The following KAT7 variants were observed in gnomAD, a reference collection of about 807,000 sequenced individuals.
KAT7 encodes the protein histone acetyltransferase KAT7.
A neutral mutation model predicts 82.1 loss-of-function variants in KAT7; 10 were observed. The ratio of observed to expected loss-of-function variants is 0.12; its 90% CI spans 0.08 to 0.21. The LOEUF is 0.21. KAT7 is among the 10% of genes least tolerant of loss of function. The probability of loss-of-function intolerance (pLI) is 1.00; values close to 1 mark genes in which losing one functional copy is unlikely to be tolerated. For synonymous variants in KAT7, 250 were observed against 262.5 expected, an observed-to-expected ratio of 0.95 and a Z score of 0.46; for missense variants, 378 against 760.9, an observed-to-expected ratio of 0.50 and a Z score of 5.92.
chr17:49,788,870 GATGGCGGGTTTCT>G, intron 1 of KAT7, 21 bp downstream of exon 1: 2 of 1,580,478 alleles, frequency 1.3e-6, no homozygotes, highest in Non-Finnish European at 1.7e-6. Context: ...GGAGAGGAGG[GATGGCGGGTTTCT>G]AAGGACAGTC....
chr17:49,820,357 G>A (rs1487281019), intron 9 of KAT7, among the ~76,000 whole-genome samples: 3 of 150,866 alleles, frequency 2.0e-5, no homozygotes, highest in African/African-American at 4.9e-5. Flanking sequence ...GTGCAATGTC[G>A]GCTCACTGCA....
chr17:49,830,196 T>C lies in KAT7; in HGVS notation c.*2694T>C, dbSNP rs1160580134. On this transcript the variant is annotated 3_prime_UTR_variant, in exon 15 of 15. Transcript: ENST00000259021. ...CCCGACCTATTTTTTTTTTTTTTTT[T>C]TTTTTTTTTTTTAAAAAAAGACAGT... 2 of 139,666 alleles carry C rather than the reference T, an allele frequency of 1.4e-5. No individual in the cohort carries two copies. The highest frequency in any genetic ancestry group is 5.8e-5 in the African/African-American group (2 of 34,578). The allele number at this position is 139,666 out of a possible 1,614,324, so 8.7% of individuals were successfully genotyped here.
At position 49,827,820 on chromosome 17, in the gene KAT7, C is replaced by T. The variant is rs984591400; in HGVS notation, c.*318C>T. 4.5e-5 allele frequency: 13 copies of T among 286,272 alleles called. No homozygotes were observed. Among genetic ancestry groups the T allele is most frequent in the African/African-American group, 1.5e-4 (7 of 46,270 alleles). 17.7% of individuals were successfully genotyped at this position (286,272 alleles called of 1,614,324 possible). ...CACTGGTTCTCTCCTCATGTCCTCT[C>T]GCCCCATGAGGTTGTGTTGTGTCTT... On this transcript the variant is annotated 3_prime_UTR_variant, in exon 15 of 15. Transcript: ENST00000259021.
rs538708022 is a variant in KAT7, at chr17:49,834,166, G to C, written c.*6664G>C. 2.0e-5 allele frequency: 3 copies of C among 152,344 alleles called. No homozygotes were observed. The South Asian group carries it at 6.2e-4, about 32-fold the overall frequency. 9.4% of individuals were successfully genotyped at this position (152,344 alleles called of 1,614,324 possible). A position where few individuals can be genotyped will look rare whatever the true frequency, so the allele number is the denominator to read the frequency against. ...TGTATTTATTGATTGATCGATTTAT[G>C]AGACAGGGTCTCCTTCTGTCACCCA... On this transcript the variant is annotated 3_prime_UTR_variant, in exon 15 of 15. Coordinates refer to ENST00000259021, the MANE Select transcript of KAT7 (RefSeq NM_007067.5).
At chr17:49,813,464 G>A (rs1297234728) in intron 7 of KAT7, among the ~76,000 whole-genome samples, 3 of 151,912 alleles carry the variant, frequency 2.0e-5, no homozygotes, top group African/African-American at 7.3e-5. Flanking sequence ...TTAAACATAG[G>A]GCATGTGAAT....
chr17:49,793,181 A>C (rs926701833), intron 2 of KAT7, among the ~76,000 whole-genome samples: 1 of 152,230 alleles, frequency 6.6e-6, no homozygotes, highest in South Asian at 2.1e-4. Flanking sequence ...ACCCCATTAC[A>C]AGTCAAGGAG....
chr17:49,791,227 T>C (rs888194183), intron 1 of KAT7, among the ~76,000 whole-genome samples: 2 of 152,260 alleles, frequency 1.3e-5, no homozygotes, highest in African/African-American at 2.4e-5. Flanking sequence ...TAGCTTTTCA[T>C]GGAGACATTG....
At chr17:49,822,749 C>G (rs992977681) in intron 11 of KAT7, among the ~76,000 whole-genome samples, 1 of 152,038 alleles carries the variant, frequency 6.6e-6, no homozygotes, top group Non-Finnish European at 1.5e-5. Context: ...ATAAATTTCC[C>G]TATTTTGGAC....
At chr17:49,793,573 A>AT (rs542617795) in intron 2 of KAT7, among the ~76,000 whole-genome samples, 6,123 of 136,320 alleles carry the variant, frequency 0.045, 170 homozygotes, top group Admixed American at 0.086. Context: ...GCTTTGGTTA[A>AT]TTTTTTTTTT....
At chr17:49,805,757 G>C (rs73337016) in intron 5 of KAT7, among the ~76,000 whole-genome samples, 5,474 of 152,226 alleles carry the variant, frequency 0.036, 332 homozygotes, top group African/African-American at 0.12. Flanking sequence ...GGGACTTATT[G>C]CACTAAGGAA....
chr17:49,797,904 T>C (rs1314163240), intron 3 of KAT7, among the ~76,000 whole-genome samples: 1 of 152,086 alleles, frequency 6.6e-6, no homozygotes, highest in Non-Finnish European at 1.5e-5. Context: ...ACAGGCTCAC[T>C]CAAGACTCTA....
At chr17:49,827,293 G>T in intron 14 of KAT7, 108 bp from the exon 15 acceptor site, 1 of 698,188 alleles carries the variant, frequency 1.4e-6, no homozygotes. Context: ...ACCCTAATAT[G>T]TTGTTAAACC....
At chr17:49,802,134 A>G (rs1567851991) in intron 4 of KAT7, among the ~76,000 whole-genome samples, 1 of 152,196 alleles carries the variant, frequency 6.6e-6, no homozygotes, top group Non-Finnish European at 1.5e-5. Flanking sequence ...GATAGTTTAT[A>G]AATTATTTAA....
intron 5 of KAT7, among the ~76,000 whole-genome samples, chr17:49,807,287 A>T (rs531356907): frequency 6.6e-6 from 1 of 152,350 alleles, no homozygotes; most frequent in Non-Finnish European, 1.5e-5. Context: ...GAGGGTAGGG[A>T]TAGCACTGCT....
intron 4 of KAT7, among the ~76,000 whole-genome samples, chr17:49,799,151 T>C (rs532931041): frequency 6.6e-6 from 1 of 152,304 alleles, no homozygotes; most frequent in East Asian, 1.9e-4. Context: ...ACTTTAGAGA[T>C]TCTTGTGGTT....
chr17:49,812,061 A>G (rs1486547647), intron 7 of KAT7, among the ~76,000 whole-genome samples: 4 of 152,144 alleles, frequency 2.6e-5, no homozygotes, highest in African/African-American at 7.2e-5. Context: ...GTACATTTGT[A>G]AGAGAATTTA....
intron 12 of KAT7, chr17:49,824,819 T>A (rs2074349561): frequency 6.6e-6 from 1 of 152,146 alleles, no homozygotes; most frequent in Non-Finnish European, 1.5e-5. Context: ...TCTATACCCA[T>A]CACCCAGCTT....
rs1407808970 is a variant in KAT7 at position 49,823,430 on chromosome 17, G to C, written c.1480+135G>C. 5.5e-5 allele frequency: 34 copies of C among 618,936 alleles called. No individual in the cohort carries two copies. In the East Asian group the frequency reaches 8.8e-4, roughly 16 times the overall value. 38.3% of individuals were successfully genotyped at this position (618,936 alleles called of 1,614,324 possible). A position where few individuals can be genotyped will look rare whatever the true frequency, so the allele number is the denominator to read the frequency against. On this transcript the variant is annotated intron_variant, in intron 12 of 14. Transcript: ENST00000259021. The stretch of plus-strand genomic sequence containing the variant: ...GGATATTTAGTAAATGAATGAACAA[G>C]TAGGAAAAACCTGAACATTGTCATT...
chr17:49,794,178 A>G (rs1433411041), intron 2 of KAT7, among the ~76,000 whole-genome samples: 3 of 152,174 alleles, frequency 2.0e-5, no homozygotes, highest in Non-Finnish European at 4.4e-5. Flanking sequence ...ATGAAAATTG[A>G]TCATGGGAAT....
Sources: allele counts gnomAD v4.1 joint callset (sites outside exome capture counted in the v4.1 genomes callset), GRCh38; gene constraint gnomAD v4.1.1; transcripts MANE v1.5; gene names NCBI Gene and HGNC (gene_info 2026-07-23, HGNC 2026-07-21).